The following TRIM11 variants were observed in gnomAD, a reference collection of about 807,000 sequenced individuals.
TRIM11 encodes tripartite motif containing 11.
A neutral mutation model predicts 33.4 loss-of-function variants in TRIM11; 15 were observed. That is an observed-to-expected ratio of 0.45 (90% confidence interval 0.30 to 0.69). TRIM11 has a LOEUF of 0.69. Among genes scored for constraint, TRIM11 ranks in the 30% least tolerant of loss-of-function variants. The pLI is 0.08. For missense variants in TRIM11, 499 were observed against 667.6 expected (o/e 0.75, Z 2.78); for synonymous variants, 281 against 302.6 (o/e 0.93, Z 0.74).
chr1:228,395,515 TGC>T lies in TRIM11; in HGVS notation c.860-265_860-264del. ...TCAGATATCAAGAGGGAATCTTGGTTGCTTTTTTTTTTTTTTTTAAAGAGGCA... is the reference window on the plus strand; with the variant it reads ...TCAGATATCAAGAGGGAATCTTGGTTTTTTTTTTTTTTTTTTAAAGAGGCA... On this transcript the variant is annotated intron_variant, in intron 5 of 5. Transcript: ENST00000284551. This position sits in a 1 kb window ranked among gnomAD's most constrained non-coding sequence, Gnocchi z 4.8. The T allele has an allele frequency of 2.7e-6, 1 of 365,054 alleles. No homozygotes were observed. Among genetic ancestry groups the T allele is most frequent in the Non-Finnish European group, 4.8e-6 (1 of 206,204 alleles). 22.6% of individuals were successfully genotyped at this position (365,054 alleles called of 1,614,324 possible).
rs2074974593 is a variant in TRIM11, at chr1:228,395,310, GC to G, written c.860-59del. The G allele has an allele frequency of 1.4e-6, 2 of 1,404,728 alleles. No homozygotes were observed. The highest frequency in any genetic ancestry group is 1.8e-6 in the Non-Finnish European group (2 of 1,082,600). 87.0% of individuals were successfully genotyped at this position (1,404,728 alleles called of 1,614,324 possible). On this transcript the variant is annotated intron_variant, in intron 5 of 5. Transcript: ENST00000284551. This position sits in a 1 kb window ranked among gnomAD's most constrained non-coding sequence, Gnocchi z 4.8. Reference sequence around the variant, plus strand: ...AGCCACAGGCAAGCTGGGGCCATCTGCCCATGTCCTGGGCATGTAGGTACAA... The same window carrying G: ...AGCCACAGGCAAGCTGGGGCCATCTGCCATGTCCTGGGCATGTAGGTACAA...
At chr1:228,396,614 T>A (rs1200342642) in intron 5 of TRIM11, 2 of 681,686 alleles carry the variant, frequency 2.9e-6, no homozygotes, top group Non-Finnish European at 5.5e-6. Context: ...GTGACTGGCA[T>A]CTGAAGTGGG....
chr1:228,400,953 G>GCAGCAGC lies in TRIM11; in HGVS notation c.735+10_735+11insGCTGCTG. On this transcript the variant is annotated intron_variant, in intron 3 of 5. Transcript: ENST00000284551. This position sits in a 1 kb window ranked among gnomAD's most constrained non-coding sequence, Gnocchi z 4.5. ...CGTGTGGCCACCATGGCTGCTCCCC[G>GCAGCAGC]CCCAGCTCACCTGCAGCAGCCCCAG... 1 of 1,547,540 alleles carries GCAGCAGC rather than the reference G, an allele frequency of 6.5e-7. No individual in the cohort carries two copies. The highest frequency in any genetic ancestry group is 8.7e-7 in the Non-Finnish European group (1 of 1,147,480).
In TRIM11 at chr1:228,406,324, G is replaced by A; in HGVS notation, c.238C>T (p.Arg80Cys). Residue 80 changes from arginine to cysteine, a missense_variant, in exon 1 of 6, where the codon CGC becomes TGC. Physicochemically the swap from Arg to Cys is radical, Grantham distance 180 (BLOSUM62 -3). Coordinates refer to ENST00000284551, the MANE Select transcript of TRIM11 (RefSeq NM_145214.3). This position sits in a 1 kb window ranked among gnomAD's most constrained non-coding sequence, Gnocchi z 8.2. The stretch of plus-strand genomic sequence containing the variant: ...GGGACCGGCGACGGCGGGTGCAGGC[G>A]CCGCGCCATCTCGGCCATCTTAGCA... The part of the protein sequence containing the change: ...PLAKMAEMAR[R>C]LHPPSPVPQG... The A allele has an allele frequency of 2.0e-6, 3 of 1,471,556 alleles. No homozygotes were observed. The highest frequency in any genetic ancestry group is 1.8e-6 in the Non-Finnish European group (2 of 1,114,404). The allele number at this position is 1,471,556 out of a possible 1,614,324, so 91.2% of individuals were successfully genotyped here. A position where few individuals can be genotyped will look rare whatever the true frequency, so the allele number is the denominator to read the frequency against.
In TRIM11 at chr1:228,406,311, G is replaced by A. The variant is rs1237604962; in HGVS notation, c.251C>T (p.Pro84Leu). The A allele has an allele frequency of 1.4e-6, 2 of 1,468,460 alleles. No homozygotes were observed. Among genetic ancestry groups the A allele is most frequent in the South Asian group, 1.3e-5 (1 of 76,030 alleles). The allele number at this position is 1,468,460 out of a possible 1,614,324, so 91.0% of individuals were successfully genotyped here. A position where few individuals can be genotyped will look rare whatever the true frequency, so the allele number is the denominator to read the frequency against. The change falls in exon 1 of 6, where the codon CCG becomes CTG. Residue 84 changes from proline (P) to leucine (L), a missense_variant. Physicochemically the swap from Pro to Leu is moderately conservative, Grantham distance 98. Transcript: ENST00000284551. This position sits in a 1 kb window ranked among gnomAD's most constrained non-coding sequence, Gnocchi z 8.2. ...GCACACGCCCTGCGGGACCGGCGAC[G>A]GCGGGTGCAGGCGCCGCGCCATCTC... Reference protein sequence around the residue: ...MAEMARRLHPPSPVPQGVCPA... With the variant: ...MAEMARRLHPLSPVPQGVCPA...
In TRIM11 at chr1:228,394,619, C is replaced by G; in HGVS notation, c.*86G>C. ...TCCTCTTGCTCAAAGGACACACTCC[C>G]TCCTCCCAGGTCCTCCAAGTGGCCA... On this transcript the variant is annotated 3_prime_UTR_variant, in exon 6 of 6. Coordinates refer to ENST00000284551, the MANE Select transcript of TRIM11 (RefSeq NM_145214.3). The surrounding 1 kb of genome is among the most constrained non-coding windows in gnomAD (Gnocchi z 6.2). 3 of 1,410,472 alleles carry G rather than the reference C, an allele frequency of 2.1e-6. No individual in the cohort carries two copies. Among genetic ancestry groups the G allele is most frequent in the Non-Finnish European group, 2.8e-6 (3 of 1,054,122 alleles). 87.4% of individuals were successfully genotyped at this position (1,410,472 alleles called of 1,614,324 possible). A position where few individuals can be genotyped will look rare whatever the true frequency, so the allele number is the denominator to read the frequency against.
chr1:228,405,951 T>C (rs1456910252), intron 1 of TRIM11: 7 of 483,204 alleles, frequency 1.4e-5, no homozygotes, highest in Non-Finnish European at 2.3e-5. Context: ...AGGGGCCTGG[T>C]TGAAACAGGC....
At position 228,394,995 on chromosome 1, in the gene TRIM11, C is replaced by T. The variant is rs201744216; in HGVS notation, c.1117G>A (p.Ala373Thr). 52 of 1,614,154 alleles carry T rather than the reference C, an allele frequency of 3.2e-5. No homozygotes were observed. In the East Asian group the frequency reaches 8.0e-4, roughly 25 times the overall value. ...VNRKEKGELSAGNGFWILVFL... is the reference protein window; with the variant it reads ...VNRKEKGELSTGNGFWILVFL... ...ACCAGGATCCAGAAGCCGTTGCCCG[C>T]GGACAGCTCGCCCTTCTCCTTCCTG... Residue 373 changes from alanine (A) to threonine (T), a missense_variant, in exon 6 of 6, where the codon GCG (alanine) becomes ACG (threonine). Coordinates refer to ENST00000284551, the MANE Select transcript of TRIM11 (RefSeq NM_145214.3). The surrounding 1 kb of genome is among the most constrained non-coding windows in gnomAD (Gnocchi z 6.2).
rs930010630 is a variant in TRIM11 at position 228,406,629 on chromosome 1, G to A, written c.-68C>T. ...GCGGCGGGCGGCCTCGGCAGCTCGCGGGGACGCGGGGTATCCGGGTGCGGC... is the reference window on the plus strand; with the variant it reads ...GCGGCGGGCGGCCTCGGCAGCTCGCAGGGACGCGGGGTATCCGGGTGCGGC... On this transcript the variant is annotated 5_prime_UTR_variant, in exon 1 of 6. Coordinates refer to ENST00000284551, the MANE Select transcript of TRIM11 (RefSeq NM_145214.3). This position sits in a 1 kb window ranked among gnomAD's most constrained non-coding sequence, Gnocchi z 8.2. 3 of 1,343,366 alleles carry A rather than the reference G, an allele frequency of 2.2e-6. No homozygotes were observed. Among genetic ancestry groups the A allele is most frequent in the Non-Finnish European group, 1.9e-6 (2 of 1,045,308 alleles). The allele number at this position is 1,343,366 out of a possible 1,614,324, so 83.2% of individuals were successfully genotyped here. A position where few individuals can be genotyped will look rare whatever the true frequency, so the allele number is the denominator to read the frequency against.
At chr1:228,397,101 C>A (rs1477173700) in intron 4 of TRIM11, 42 bp downstream of exon 4, 2 of 1,613,906 alleles carry the variant, frequency 1.2e-6, no homozygotes, top group East Asian at 4.5e-5. Flanking sequence ...GGTCCCACCC[C>A]ACTCCCTCCT....
chr1:228,399,126 CCT>C (rs1375991257), intron 3 of TRIM11, among the ~76,000 whole-genome samples: 2 of 152,090 alleles, frequency 1.3e-5, no homozygotes, highest in African/African-American at 4.8e-5. Context: ...CTGTGCAACC[CCT>C]GTCCATTCGG....
intron 5 of TRIM11, chr1:228,396,646 C>A: frequency 1.4e-6 from 1 of 709,826 alleles, no homozygotes; most frequent in South Asian, 1.5e-5. Context: ...GGGACTGAGC[C>A]CTTAATCTGT....
chr1:228,403,733 C>A lies in TRIM11; in HGVS notation c.409-1572G>T, dbSNP rs1234927973. ...GCAGTGGCACGATCTCGGCTCACTG[C>A]AACCTCTGCCTCCTGTGTTCAAGTG... On this transcript the variant is annotated intron_variant, in intron 1 of 5. Coordinates refer to ENST00000284551, the MANE Select transcript of TRIM11 (RefSeq NM_145214.3). The surrounding 1 kb of genome is among the most constrained non-coding windows in gnomAD (Gnocchi z 4.8). 6.6e-6 allele frequency: 1 copy of A among 152,390 alleles called. No homozygotes were observed. Among genetic ancestry groups the A allele is most frequent in the East Asian group, 1.9e-4 (1 of 5,196 alleles). The allele number at this position is 152,390 out of a possible 1,614,324, so 9.4% of individuals were successfully genotyped here. A position where few individuals can be genotyped will look rare whatever the true frequency, so the allele number is the denominator to read the frequency against.
At chr1:228,402,836 G>C (rs1656281797) in intron 1 of TRIM11, 1 of 152,384 alleles carries the variant, frequency 6.6e-6, no homozygotes, top group Admixed American at 6.6e-5. Context: ...AACCTGCCAG[G>C]GCTTGATCTT....
At chr1:228,398,380 G>A (rs898496356) in intron 3 of TRIM11, among the ~76,000 whole-genome samples, 2 of 152,146 alleles carry the variant, frequency 1.3e-5, no homozygotes, top group African/African-American at 4.8e-5. Flanking sequence ...CACTTTGGGA[G>A]GCCAAGGCAG....
chr1:228,399,497 T>C (rs944945419), intron 3 of TRIM11, among the ~76,000 whole-genome samples: 3 of 115,446 alleles, frequency 2.6e-5, no homozygotes, highest in South Asian at 2.9e-4. Context: ...AAAGCCCAAA[T>C]TGCATCTTCA....
rs1405073838 is a variant in TRIM11, at chr1:228,406,737, G to A, written c.-176C>T. On this transcript the variant is annotated 5_prime_UTR_variant, in exon 1 of 6. Coordinates refer to ENST00000284551, the MANE Select transcript of TRIM11 (RefSeq NM_145214.3). The surrounding 1 kb of genome is among the most constrained non-coding windows in gnomAD (Gnocchi z 8.2). The stretch of plus-strand genomic sequence containing the variant: ...CGGGGCGCGGGGACTCCAGGGCGCA[G>A]GACTCTGGGTTTCGGTAGCGCTGGG... 2 of 508,376 alleles carry A rather than the reference G, an allele frequency of 3.9e-6. No homozygotes were observed. Among genetic ancestry groups the A allele is most frequent in the Non-Finnish European group, 6.1e-6 (2 of 327,630 alleles). The allele number at this position is 508,376 out of a possible 1,614,324, so 31.5% of individuals were successfully genotyped here. A position where few individuals can be genotyped will look rare whatever the true frequency, so the allele number is the denominator to read the frequency against.
At chr1:228,402,512 C>T (rs1024206107) in intron 1 of TRIM11, 15 of 190,044 alleles carry the variant, frequency 7.9e-5, no homozygotes, top group Non-Finnish European at 1.4e-4. Context: ...AGGTGCTGAG[C>T]TCTCCTGTTC....
rs373220787 is a variant in TRIM11 at position 228,397,073 on chromosome 1, C to T, written c.759-26G>A. ...CTAGAGGGGACAACCCAGGTGTTGTCGCCATGGCCAACAGCTGGGTCCCAC... is the reference window on the plus strand; with the variant it reads ...CTAGAGGGGACAACCCAGGTGTTGTTGCCATGGCCAACAGCTGGGTCCCAC... On this transcript the variant is annotated intron_variant, in intron 4 of 5. Coordinates refer to ENST00000284551, the MANE Select transcript of TRIM11 (RefSeq NM_145214.3). 36 of 1,613,686 alleles carry T rather than the reference C, an allele frequency of 2.2e-5. No homozygotes were observed. The African/African-American group carries it at 2.9e-4, about 13-fold the overall frequency.
Sources: allele counts gnomAD v4.1 joint callset (sites outside exome capture counted in the v4.1 genomes callset), GRCh38; gene constraint gnomAD v4.1.1; non-coding constraint Gnocchi (gnomAD v3.1); transcripts MANE v1.5; gene names NCBI Gene and HGNC (gene_info 2026-07-23, HGNC 2026-07-21).